DIP2A: variants seen among roughly 807,000 people sequenced by gnomAD.
DIP2A encodes DIP2 acetate--CoA ligase A.
DIP2A carries 85 observed loss-of-function variants against 177.4 expected under a neutral mutation model. The observed-to-expected ratio is 0.48, with a 90% CI of 0.40 to 0.57. DIP2A has a LOEUF of 0.57. Among genes scored for constraint, DIP2A ranks in the 20% least tolerant of loss-of-function variants. The pLI is 0.00. For synonymous variants in DIP2A, 886 were observed against 881.8 expected (o/e 1.00, Z -0.08); for missense variants, 1,791 against 2,100.2 (o/e 0.85, Z 2.88).
At chr21:46,534,776 C>A in intron 13 of DIP2A, 89 bp downstream of exon 13, 1 of 1,147,872 alleles carries the variant, frequency 8.7e-7, no homozygotes, top group Non-Finnish European at 1.2e-6. Flanking sequence ...CTGCACCTGT[C>A]AAAACCACCC....
intron 3 of DIP2A, among the ~76,000 whole-genome samples, chr21:46,492,440 T>A (rs1490012022): frequency 1.1e-4 from 16 of 152,338 alleles, no homozygotes; most frequent in Admixed American, 6.5e-4. Context: ...TTCAACTTTG[T>A]TTCTTATCTG....
At chr21:46,554,450 G>C in intron 26 of DIP2A, 125 bp from the exon 27 acceptor site, 1 of 1,538,798 alleles carries the variant, frequency 6.5e-7, no homozygotes, top group Non-Finnish European at 8.8e-7. Flanking sequence ...TACCCCTGTG[G>C]AAACCCAGGA....
At chr21:46,461,032 C>T (rs1429203001) in intron 1 of DIP2A, among the ~76,000 whole-genome samples, 1 of 151,564 alleles carries the variant, frequency 6.6e-6, no homozygotes, top group African/African-American at 2.4e-5. Flanking sequence ...AGGCTGAGTA[C>T]ACAGTGGCTC....
chr21:46,468,544 T>C (rs2055065502), intron 1 of DIP2A, among the ~76,000 whole-genome samples: 1 of 151,936 alleles, frequency 6.6e-6, no homozygotes, highest in Admixed American at 6.6e-5. Flanking sequence ...ACTGGGGTGG[T>C]GGGAGAATCT....
chr21:46,541,015 C>CA (rs532906368), intron 17 of DIP2A, among the ~76,000 whole-genome samples: 7,425 of 71,668 alleles, frequency 0.1, 275 homozygotes, highest in Middle Eastern at 0.21. Flanking sequence ...AACTCTGTGT[C>CA]AAAAAAAAAA....
At chr21:46,520,077 T>C (rs1041577031) in intron 8 of DIP2A, among the ~76,000 whole-genome samples, 2 of 151,876 alleles carry the variant, frequency 1.3e-5, no homozygotes, top group Non-Finnish European at 2.9e-5. Flanking sequence ...GGTTTCACCA[T>C]GTTAGCCAGG....
chr21:46,487,503 C>T (rs533827348), intron 2 of DIP2A, among the ~76,000 whole-genome samples: 78 of 152,032 alleles, frequency 5.1e-4, no homozygotes, highest in Admixed American at 3.5e-3. Context: ...TGATGCAGTG[C>T]GATGGAAAAC....
Position 46,497,190 on chromosome 21 carries a change from G to T in DIP2A, c.403+83G>T, listed in dbSNP as rs568382990. 4 of 1,499,954 alleles carry T rather than the reference G, an allele frequency of 2.7e-6. No individual in the cohort carries two copies. The Admixed American group carries it at 9.0e-5, about 34-fold the overall frequency. 92.9% of individuals were successfully genotyped at this position (1,499,954 alleles called of 1,614,324 possible). A position where few individuals can be genotyped will look rare whatever the true frequency, so the allele number is the denominator to read the frequency against. ...TATCCTATTTACTTCCCATTGAGTT[G>T]GAATATCCGTCTGGCCTGTAGTATA... On this transcript the variant is annotated intron_variant, in intron 4 of 37. Transcript: ENST00000417564.
In DIP2A at chr21:46,563,884, C is replaced by T. The variant is rs1280533704; in HGVS notation, c.4116C>T (p.Ile1372=). ...GKILPGVKVI[I]AHTETKGPLG... is the part of the protein sequence containing the mutation. Reference sequence around the variant, plus strand: ...TCCTCCCCGGCGTGAAGGTCATCATCGCACACACCGAGACCAAAGGACCCT... The same window carrying T: ...TCCTCCCCGGCGTGAAGGTCATCATTGCACACACCGAGACCAAAGGACCCT... The change falls in exon 35 of 38, where the codon ATC becomes ATT. Residue 1372 remains isoleucine (I), a synonymous_variant. Transcript: ENST00000417564. The surrounding 1 kb of genome is among the most constrained non-coding windows in gnomAD (Gnocchi z 4.3). 1.2e-5 allele frequency: 19 copies of T among 1,613,496 alleles called. No homozygotes were observed. Among genetic ancestry groups the T allele is most frequent in the East Asian group, 2.2e-5 (1 of 44,882 alleles).
At chr21:46,548,181 C>CGTGT (rs151337762) in intron 21 of DIP2A, among the ~76,000 whole-genome samples, 30,857 of 147,552 alleles carry the variant, frequency 0.21, 3,129 homozygotes, top group Non-Finnish European at 0.24. Context: ...TGCATGTGTG[C>CGTGT]GTGTGTGTGT....
chr21:46,539,520 A>T, intron 16 of DIP2A: 1 of 346,172 alleles, frequency 2.9e-6, no homozygotes, highest in Non-Finnish European at 5.6e-6. Context: ...GTGGAGTCAG[A>T]GTGTGCACCT....
intron 2 of DIP2A, among the ~76,000 whole-genome samples, chr21:46,490,126 T>G (rs539312114): frequency 2.5e-4 from 38 of 152,298 alleles, no homozygotes; most frequent in Admixed American, 2.0e-3. Flanking sequence ...ACTTTTTTCC[T>G]GTTTGTATCA....
rs905664340 is a variant in DIP2A at position 46,567,758 on chromosome 21, G to T, written c.*136G>T. ...TTACAGATCCCTCTCAACAATCCCC[G>T]CATCTCCTTTTAGAAAGCACTTCCT... On this transcript the variant is annotated 3_prime_UTR_variant, in exon 38 of 38. Coordinates refer to ENST00000417564, the MANE Select transcript of DIP2A (RefSeq NM_015151.4). 3 of 1,045,110 alleles carry T rather than the reference G, an allele frequency of 2.9e-6. No homozygotes were observed. The highest frequency in any genetic ancestry group is 3.9e-6 in the Non-Finnish European group (3 of 762,492). 64.7% of individuals were successfully genotyped at this position (1,045,110 alleles called of 1,614,324 possible). A position where few individuals can be genotyped will look rare whatever the true frequency, so the allele number is the denominator to read the frequency against.
At chr21:46,467,728 C>G (rs1262498142) in intron 1 of DIP2A, among the ~76,000 whole-genome samples, 1 of 151,920 alleles carries the variant, frequency 6.6e-6, no homozygotes, top group Non-Finnish European at 1.5e-5. Context: ...CGGGAATACC[C>G]TCTTTAGGTT....
In DIP2A at chr21:46,563,938, C is replaced by T. The variant is rs745853098; in HGVS notation, c.4164+6C>T. ...GAGACTCACACCTGGGAGAGGTGAG[C>T]AGGGGCCCATGGGAGGGGCTTGAGC... is the stretch of plus-strand genomic sequence containing the variant. On this transcript the variant is annotated splice_donor_region_variant and intron_variant, in intron 35 of 37. Transcript: ENST00000417564. This position sits in a 1 kb window ranked among gnomAD's most constrained non-coding sequence, Gnocchi z 4.3. 1.2e-6 allele frequency: 2 copies of T among 1,612,652 alleles called. No homozygotes were observed. The highest frequency in any genetic ancestry group is 3.3e-5 in the Admixed American group (2 of 59,880).
In DIP2A at chr21:46,502,512, A is replaced by G. The variant is rs1299049944; in HGVS notation, c.656-1849A>G. On this transcript the variant is annotated intron_variant, in intron 5 of 37. Coordinates refer to ENST00000417564, the MANE Select transcript of DIP2A (RefSeq NM_015151.4). ...CCCCAGGCTGGAGTGCAGTGGTGCA[A>G]TCTTGGCTCACTGCAACCTCCACCT... Among the ~76,000 whole-genome samples, 8 of 131,336 alleles carry G rather than the reference A, an allele frequency of 6.1e-5. 1 individual carries two copies. Among genetic ancestry groups the G allele is most frequent in the African/African-American group, 2.1e-4 (7 of 33,280 alleles). 86.2% of individuals were successfully genotyped at this position (131,336 alleles called of 152,430 possible). A position where few individuals can be genotyped will look rare whatever the true frequency, so the allele number is the denominator to read the frequency against.
Position 46,556,906 on chromosome 21 carries a change from C to CTT in DIP2A, c.3499-23_3499-22dup, listed in dbSNP as rs373635982. 81 of 1,128,922 alleles carry CTT rather than the reference C, an allele frequency of 7.2e-5. No homozygotes were observed. Among genetic ancestry groups the CTT allele is most frequent in the South Asian group, 2.5e-4 (16 of 62,946 alleles). The allele number at this position is 1,128,922 out of a possible 1,614,324, so 69.9% of individuals were successfully genotyped here. ...CTCTCCCCTCCTGAATTTCATTTCA[C>CTT]TTTTTTTTTTTGAACTTTATTTTAC... is the stretch of plus-strand genomic sequence containing the variant. On this transcript the variant is annotated intron_variant, in intron 29 of 37. Coordinates refer to ENST00000417564, the MANE Select transcript of DIP2A (RefSeq NM_015151.4). This position sits in a 1 kb window ranked among gnomAD's most constrained non-coding sequence, Gnocchi z 4.5.
chr21:46,508,745 G>A (rs920554436), intron 6 of DIP2A, among the ~76,000 whole-genome samples: 16 of 152,034 alleles, frequency 1.1e-4, no homozygotes, highest in Admixed American at 1.3e-4. Context: ...TGCTTAGGCC[G>A]GGCGCGGTGG....
chr21:46,495,430 G>A (rs755939524), intron 3 of DIP2A, among the ~76,000 whole-genome samples: 22 of 151,536 alleles, frequency 1.5e-4, no homozygotes, highest in Admixed American at 7.3e-4. Flanking sequence ...CACCATGCCC[G>A]GCTAATTTTG....
Sources: gnomAD v4.1 joint callset for allele counts (sites outside exome capture counted in the v4.1 genomes callset) on GRCh38, gnomAD v4.1.1 for gene constraint, Gnocchi (gnomAD v3.1) non-coding constraint, MANE v1.5 for transcripts, NCBI Gene and HGNC (gene_info 2026-07-23, HGNC 2026-07-21) for gene names.